Variants in BMPR1B observed in about 807,000 individuals in gnomAD.
BMPR1B encodes the protein bone morphogenetic protein receptor type-1B.
BMPR1B carries 12 observed loss-of-function variants against 59.1 expected under a neutral mutation model. That is an observed-to-expected ratio of 0.20 (90% CI 0.13 to 0.33). The LOEUF is 0.33. BMPR1B is among the 10% of genes least tolerant of loss of function. The pLI, the probability that BMPR1B is intolerant of heterozygous loss-of-function variation, is 1.00. For synonymous variants in BMPR1B, 237 were observed against 207.3 expected, an observed-to-expected ratio of 1.14 and a Z score of -1.23; for missense variants, 550 against 610.9, an observed-to-expected ratio of 0.90 and a Z score of 1.05.
At chr4:95,015,223 A>G (rs1723503490) in intron 3 of BMPR1B, among the ~76,000 whole-genome samples, 1 of 152,184 alleles carries the variant, frequency 6.6e-6, no homozygotes, top group African/African-American at 2.4e-5. Context: ...AGAAAAGAAA[A>G]ATGATCATTT....
At chr4:95,029,427 A>T (rs1267338739) in intron 3 of BMPR1B, among the ~76,000 whole-genome samples, 1 of 139,010 alleles carries the variant, frequency 7.2e-6, no homozygotes, top group South Asian at 2.1e-4. Context: ...GGACATGAAC[A>T]CATCATTTTT....
chr4:94,972,644 T>C (rs557720213), intron 2 of BMPR1B, among the ~76,000 whole-genome samples: 7 of 152,178 alleles, frequency 4.6e-5, no homozygotes, highest in Admixed American at 3.9e-4. Context: ...TTTGGTCTTA[T>C]AAGTGGATAT....
chr4:94,833,191 T>TGAAAAAAAAAAAAAA (rs1205925053), intron 1 of BMPR1B, among the ~76,000 whole-genome samples: 1 of 66,926 alleles, frequency 1.5e-5, no homozygotes, highest in Non-Finnish European at 2.9e-5. Context: ...AGACTCTTTC[T>TGAAAAAAAAAAAAAA]CAAAAAAAAA....
chr4:94,892,283 G>A (rs1423358315), intron 2 of BMPR1B, among the ~76,000 whole-genome samples: 1 of 152,032 alleles, frequency 6.6e-6, no homozygotes, highest in Non-Finnish European at 1.5e-5. Context: ...CCAGCTGTGA[G>A]CTTACTGGAA....
intron 3 of BMPR1B, among the ~76,000 whole-genome samples, chr4:95,050,332 T>C (rs1472331878): frequency 2.0e-5 from 3 of 152,208 alleles, no homozygotes; most frequent in Non-Finnish European, 4.4e-5. Flanking sequence ...AAATGCAGAA[T>C]GTGTAGTTTA....
intron 10 of BMPR1B, among the ~76,000 whole-genome samples, chr4:95,135,162 A>G (rs549538105): frequency 6.6e-6 from 1 of 152,292 alleles, no homozygotes; most frequent in South Asian, 2.1e-4. Context: ...GTCAAGGGTC[A>G]GATAGTTGTA....
At chr4:94,866,566 T>C (rs1438618230) in intron 1 of BMPR1B, among the ~76,000 whole-genome samples, 1 of 152,032 alleles carries the variant, frequency 6.6e-6, no homozygotes, top group Non-Finnish European at 1.5e-5. Context: ...TTACCACCAA[T>C]TCATTGCTTT....
chr4:95,115,248 C>A (rs1039043078), intron 5 of BMPR1B, among the ~76,000 whole-genome samples: 1 of 152,166 alleles, frequency 6.6e-6, no homozygotes, highest in Non-Finnish European at 1.5e-5. Context: ...CACAACATAT[C>A]CCTGTCTTTA....
chr4:94,901,916 T>C (rs2149000808), intron 2 of BMPR1B, among the ~76,000 whole-genome samples: 1 of 152,026 alleles, frequency 6.6e-6, no homozygotes, highest in East Asian at 2.0e-4. Flanking sequence ...GTGTACAAAA[T>C]GGAGTATAGC....
chr4:95,103,517 G>A, intron 3 of BMPR1B: 7 of 983,402 alleles, frequency 7.1e-6, no homozygotes, highest in Non-Finnish European at 7.2e-6. Context: ...AAACAAAATA[G>A]GTAATAATTA....
intron 2 of BMPR1B, among the ~76,000 whole-genome samples, chr4:94,889,828 G>A (rs1309597200): frequency 1.3e-5 from 2 of 152,042 alleles, no homozygotes; most frequent in African/African-American, 2.4e-5. Flanking sequence ...AAAGGAACAA[G>A]CTAGTAACAA....
chr4:94,943,288 C>A (rs576099743), intron 2 of BMPR1B, among the ~76,000 whole-genome samples: 1 of 152,008 alleles, frequency 6.6e-6, no homozygotes, highest in Non-Finnish European at 1.5e-5. Flanking sequence ...TACAGGCATG[C>A]GCCACCATGC....
intron 1 of BMPR1B, among the ~76,000 whole-genome samples, chr4:94,793,426 AT>A (rs1288858747): frequency 6.6e-6 from 1 of 151,346 alleles, no homozygotes; most frequent in Non-Finnish European, 1.5e-5. Context: ...ATTGTTGGAC[AT>A]TTGGGTTGGT....
At chr4:95,153,375 T>C (rs531731002) in intron 12 of BMPR1B, among the ~76,000 whole-genome samples, 1 of 152,260 alleles carries the variant, frequency 6.6e-6, no homozygotes, top group South Asian at 2.1e-4. Context: ...CTGTTCCACA[T>C]TCCTCTCCTT....
At chr4:94,795,352 G>T (rs1031521678) in intron 1 of BMPR1B, among the ~76,000 whole-genome samples, 61 of 151,546 alleles carry the variant, frequency 4.0e-4, no homozygotes, top group Non-Finnish European at 6.8e-4. Context: ...AACCAGCCTT[G>T]CATCCCAGGG....
chr4:95,045,223 A>C (rs1022374543), intron 3 of BMPR1B, among the ~76,000 whole-genome samples: 1 of 152,184 alleles, frequency 6.6e-6, no homozygotes, highest in Non-Finnish European at 1.5e-5. Context: ...CAAATATATT[A>C]TTATGTTTTC....
At chr4:94,764,062 C>G (rs544042108) in intron 1 of BMPR1B, among the ~76,000 whole-genome samples, 6 of 152,122 alleles carry the variant, frequency 3.9e-5, no homozygotes, top group African/African-American at 1.4e-4. Context: ...TTCAATTTGT[C>G]AAGAGTTTCT....
intron 2 of BMPR1B, among the ~76,000 whole-genome samples, chr4:94,943,164 A>G (rs1992651): frequency 0.25 from 37,155 of 150,286 alleles, 4,604 homozygotes; most frequent in South Asian, 0.36. Context: ...TTTTTGAGAC[A>G]GAGTTCACTC....
chr4:94,770,178 CTGTGTT>C lies in BMPR1B; in HGVS notation c.-183+12114_-183+12119del, dbSNP rs532283328. On this transcript the variant is annotated intron_variant, in intron 1 of 12. Coordinates refer to ENST00000515059, the MANE Select transcript of BMPR1B (RefSeq NM_001203.3). The stretch of plus-strand genomic sequence containing the variant: ...TATTTGTTTGAATTGTCCTTCGTTT[CTGTGTT>C]TGTTTTTTTTTTTTTTTTTTGCGAA... Among the ~76,000 whole-genome samples, 6 of 24,036 alleles carry C rather than the reference CTGTGTT, an allele frequency of 2.5e-4. No homozygotes were observed. In the African/African-American group the frequency reaches 3.1e-3, roughly 12 times the overall value. The allele number at this position is 24,036 out of a possible 152,430, so 15.8% of individuals were successfully genotyped here.
Sources: gnomAD v4.1 joint callset for allele counts (sites outside exome capture counted in the v4.1 genomes callset) on GRCh38, gnomAD v4.1.1 for gene constraint, MANE v1.5 for transcripts, NCBI Gene and HGNC (gene_info 2026-07-23, HGNC 2026-07-21) for gene names.